The following PURG variants were observed in gnomAD, a reference collection of about 807,000 sequenced individuals.
The protein encoded by PURG is purine rich element binding protein G.
PURG carries 3 observed loss-of-function variants against 24.3 expected under a neutral mutation model. That is an observed-to-expected ratio of 0.12 (90% CI 0.06 to 0.32). The LOEUF (loss-of-function observed/expected upper bound fraction) is 0.32, where lower values mean the gene tolerates loss of function less well. Among genes scored for constraint, PURG ranks in the 10% least tolerant of loss-of-function variants. The probability of loss-of-function intolerance (pLI) is 1.00; values close to 1 mark genes in which losing one functional copy is unlikely to be tolerated. For synonymous variants in PURG, 180 were observed against 173.1 expected (o/e 1.04, Z -0.31); for missense variants, 371 against 439.1 (o/e 0.84, Z 1.39).
In PURG at chr8:31,031,813, T is replaced by G. The variant is rs1286679423; in HGVS notation, c.970A>C (p.Ile324Leu). 2.6e-6 allele frequency: 4 copies of G among 1,562,428 alleles called. No individual in the cohort carries two copies. The East Asian group carries it at 9.5e-5, about 37-fold the overall frequency. Residue 324 changes from isoleucine to leucine, a missense_variant, in exon 2 of 2, where the codon ATT becomes CTT. Ile to Leu is a conservative substitution (Grantham distance 5). Coordinates refer to ENST00000523392, the MANE Select transcript of PURG (RefSeq NM_001323311.2). The part of the protein sequence containing the change: ...FIKYEEEMRK[I>L]CNSHKEKRMD... ...CTCTTTTCTTTATGGCTGTTGCAAA[T>G]TTTCCTCATCTCTTCTTCATACTTG...
chr8:31,000,466 C>A (rs1485308694), intron 1 of PURG, among the ~76,000 whole-genome samples: 1 of 152,018 alleles, frequency 6.6e-6, no homozygotes. Context: ...ACTAGAGTTG[C>A]CTCATTATAA....
At chr8:31,016,571 TACCAAG>T (rs1489077658) in intron 1 of PURG, among the ~76,000 whole-genome samples, 1,101 of 9,654 alleles carry the variant, frequency 0.11, 140 homozygotes, top group Admixed American at 0.44. Flanking sequence ...AATGCAAGTC[TACCAAG>T]AACCAAAAAA....
At chr8:30,999,357 T>C (rs536482619) in intron 1 of PURG, among the ~76,000 whole-genome samples, 3 of 152,076 alleles carry the variant, frequency 2.0e-5, no homozygotes, top group East Asian at 1.9e-4. Flanking sequence ...TAAGTGGTCA[T>C]GATACCTAAA....
intron 1 of PURG, among the ~76,000 whole-genome samples, chr8:31,021,468 T>C (rs551564793): frequency 2.0e-5 from 3 of 152,352 alleles, no homozygotes; most frequent in South Asian, 4.1e-4. Flanking sequence ...TAACTTGTAT[T>C]TATTAGCACC....
intron 1 of PURG, among the ~76,000 whole-genome samples, chr8:31,019,055 C>T (rs560706068): frequency 7.5e-4 from 94 of 125,056 alleles, no homozygotes; most frequent in Non-Finnish European, 1.3e-3. Context: ...ACCCGGGAGG[C>T]GGAGCTTGCA....
chr8:31,031,591 G>A lies in PURG; in HGVS notation c.*148C>T. 1 of 700,612 alleles carries A rather than the reference G, an allele frequency of 1.4e-6. No homozygotes were observed. The highest frequency in any genetic ancestry group is 2.3e-6 in the Non-Finnish European group (1 of 427,838). The allele number at this position is 700,612 out of a possible 1,614,324, so 43.4% of individuals were successfully genotyped here. A position where few individuals can be genotyped will look rare whatever the true frequency, so the allele number is the denominator to read the frequency against. ...GTGATCTATGTGTAACATAACATGA[G>A]AATCAGACTTCCTGAAGTATCAACT... On this transcript the variant is annotated 3_prime_UTR_variant, in exon 2 of 2. Coordinates refer to ENST00000523392, the MANE Select transcript of PURG (RefSeq NM_001323311.2).
At chr8:31,005,655 T>C (rs1437805419) in intron 1 of PURG, among the ~76,000 whole-genome samples, 1 of 152,080 alleles carries the variant, frequency 6.6e-6, no homozygotes. Flanking sequence ...CTGAATGACA[T>C]GCTAAGATCT....
Position 31,032,281 on chromosome 8 carries a change from G to A in PURG, c.502C>T (p.His168Tyr), listed in dbSNP as rs1240002695. The change falls in exon 2 of 2, where the codon CAC (histidine) becomes TAC (tyrosine). Residue 168 changes from histidine (H) to tyrosine (Y), a missense_variant. By Grantham distance (83) the His-to-Tyr change is moderately conservative. This residue lies in a region of PURG where 213 missense variants were observed against 230.6 expected (regional missense o/e 0.92). Coordinates refer to ENST00000523392, the MANE Select transcript of PURG (RefSeq NM_001323311.2). The surrounding 1 kb of genome is among the most constrained non-coding windows in gnomAD (Gnocchi z 5.9). ...ATATAGTCTGTTTTCAGGACACTGT[G>A]AGGATGCTCTTCGGACCCCACCGAG... ...PVSVGSEEHP[H>Y]SVLKTDYIER... 5 of 1,613,530 alleles carry A rather than the reference G, an allele frequency of 3.1e-6. No homozygotes were observed. The highest frequency in any genetic ancestry group is 1.1e-5 in the South Asian group (1 of 91,068).
chr8:31,000,075 T>C (rs1208138860), intron 1 of PURG, among the ~76,000 whole-genome samples: 3 of 152,082 alleles, frequency 2.0e-5, no homozygotes, highest in African/African-American at 7.2e-5. Context: ...TATGTAACAA[T>C]CAAATTTTGA....
chr8:31,008,411 C>T (rs2129791234), intron 1 of PURG, among the ~76,000 whole-genome samples: 1 of 152,300 alleles, frequency 6.6e-6, no homozygotes, highest in East Asian at 1.9e-4. Context: ...TCAAGCGATT[C>T]TCCTGACTCA....
At chr8:31,028,733 G>C (rs1351650059), downstream of PURG, among the ~76,000 whole-genome samples, 1 of 151,810 alleles carries the variant, frequency 6.6e-6, no homozygotes, top group Non-Finnish European at 1.5e-5. Context: ...CAACAGATTA[G>C]TGCTGCTTTC....
intron 1 of PURG, among the ~76,000 whole-genome samples, chr8:31,016,850 T>C (rs1810882508): frequency 1.3e-5 from 2 of 152,148 alleles, no homozygotes; most frequent in Admixed American, 1.3e-4. Context: ...TTAATGGGGG[T>C]TAGAACTCAT....
intron 1 of PURG, among the ~76,000 whole-genome samples, chr8:31,009,381 G>A (rs1261199158): frequency 6.6e-6 from 1 of 152,074 alleles, no homozygotes; most frequent in African/African-American, 2.4e-5. Context: ...AGCTGAGATC[G>A]TGCCACTGCA....
At position 31,031,698 on chromosome 8, in the gene PURG, T is replaced by C. The variant is rs1194258463; in HGVS notation, c.*41A>G. The C allele has an allele frequency of 6.7e-7, 1 of 1,497,098 alleles. No individual in the cohort carries two copies. The highest frequency in any genetic ancestry group is 2.3e-5 in the Admixed American group (1 of 42,666). 92.7% of individuals were successfully genotyped at this position (1,497,098 alleles called of 1,614,324 possible). On this transcript the variant is annotated 3_prime_UTR_variant, in exon 2 of 2. Coordinates refer to ENST00000523392, the MANE Select transcript of PURG (RefSeq NM_001323311.2). ...ATAATGGATCAGTACTTTTAGCCAA[T>C]TTGTGATTTTAAATTTTGCCTGATG...
intron 1 of PURG, among the ~76,000 whole-genome samples, chr8:31,008,390 G>T (rs1314623056): frequency 6.6e-6 from 1 of 152,106 alleles, no homozygotes; most frequent in African/African-American, 2.4e-5. Context: ...TGCAACCTCC[G>T]CCTCCTGGGT....
At chr8:31,003,460 T>C (rs1028407594) in intron 1 of PURG, among the ~76,000 whole-genome samples, 3 of 151,892 alleles carry the variant, frequency 2.0e-5, no homozygotes, top group African/African-American at 7.3e-5. Context: ...GGCTGAATAA[T>C]TGTACAAATA....
intron 1 of PURG, among the ~76,000 whole-genome samples, chr8:31,011,119 A>G (rs921100359): frequency 5.9e-5 from 9 of 152,228 alleles, no homozygotes; most frequent in Non-Finnish European, 1.3e-4. Flanking sequence ...ATCCAAACAT[A>G]TGAGGAGAAA....
chr8:31,033,068 G>C lies in PURG; in HGVS notation c.-7+10C>G, dbSNP rs1393859629. The C allele has an allele frequency of 4.9e-6, 1 of 203,980 alleles. No homozygotes were observed. The highest frequency in any genetic ancestry group is 9.7e-6 in the Non-Finnish European group (1 of 103,178). The allele number at this position is 203,980 out of a possible 1,614,324, so 12.6% of individuals were successfully genotyped here. On this transcript the variant is annotated intron_variant, in intron 1 of 1. Transcript: ENST00000523392. ...CCGCGGCCCCAGGTCTCCAGCCGGC[G>C]GGCACTCACATCATCTCTGCCATCA...
chr8:31,031,822 T>C lies in PURG; in HGVS notation c.961A>G (p.Met321Val). The stretch of plus-strand genomic sequence containing the variant: ...TTATGGCTGTTGCAAATTTTCCTCA[T>C]CTCTTCTTCATACTTGATAAAATTC... ...GENFIKYEEE[M>V]RKICNSHKEK... The change falls in exon 2 of 2, where the codon ATG becomes GTG. Residue 321 changes from methionine (M) to valine (V), a missense_variant. Physicochemically the swap from Met to Val is conservative, Grantham distance 21. Coordinates refer to ENST00000523392, the MANE Select transcript of PURG (RefSeq NM_001323311.2). 3.8e-6 allele frequency: 6 copies of C among 1,570,478 alleles called. No homozygotes were observed. The highest frequency in any genetic ancestry group is 5.2e-6 in the Non-Finnish European group (6 of 1,156,588).
Sources: gnomAD v4.1 joint callset for allele counts (sites outside exome capture counted in the v4.1 genomes callset) on GRCh38, gnomAD v4.1.1 for gene constraint, gnomAD v4.1.1 regional missense constraint, Gnocchi (gnomAD v3.1) non-coding constraint, MANE v1.5 for transcripts, NCBI Gene and HGNC (gene_info 2026-07-23, HGNC 2026-07-21) for gene names.